The following PTPRN2 variants were observed in gnomAD, a reference collection of about 807,000 sequenced individuals.
The protein encoded by PTPRN2 is protein tyrosine phosphatase receptor type N2, also known as receptor-type tyrosine-protein phosphatase N2.
Under a neutral mutation model 118.8 loss-of-function variants are expected in PTPRN2, and 74 were observed. That is an observed-to-expected ratio of 0.62 (90% confidence interval 0.52 to 0.76). The LOEUF (loss-of-function observed/expected upper bound fraction) is 0.76, where lower values mean the gene tolerates loss of function less well. Among genes scored for constraint, PTPRN2 ranks in the 30% least tolerant of loss-of-function variants. The pLI is 0.00. For synonymous variants in PTPRN2, 641 were observed against 608.0 expected, an observed-to-expected ratio of 1.05 and a Z score of -0.80; for missense variants, 1,481 against 1,394.4, an observed-to-expected ratio of 1.06 and a Z score of -0.99.
At chr7:157,666,157 T>A (rs973878887) in intron 13 of PTPRN2, among the ~76,000 whole-genome samples, 6 of 151,638 alleles carry the variant, frequency 4.0e-5, no homozygotes, top group African/African-American at 1.5e-4. Flanking sequence ...AGAAAAAAAA[T>A]TCCAGGTACA....
intron 12 of PTPRN2, among the ~76,000 whole-genome samples, chr7:157,696,059 A>T (rs746291093): frequency 2.1e-4 from 12 of 58,074 alleles, no homozygotes; most frequent in Admixed American, 5.6e-4. Flanking sequence ...TGGGTCTTGG[A>T]AGAGCCCTCA....
At chr7:158,380,982 A>G (rs10252936) in intron 2 of PTPRN2, among the ~76,000 whole-genome samples, 134,500 of 152,106 alleles carry the variant, frequency 0.88, 60,825 homozygotes, top group Non-Finnish European at 0.97. Flanking sequence ...CAACTGGAGC[A>G]GCTGGGACGC....
chr7:157,771,071 A>G (rs1191855677), intron 12 of PTPRN2, among the ~76,000 whole-genome samples: 1 of 152,238 alleles, frequency 6.6e-6, no homozygotes, highest in Non-Finnish European at 1.5e-5. Context: ...GTTCTTGGGA[A>G]ACTCGCTGCC....
At chr7:158,222,288 G>A (rs532517910) in intron 3 of PTPRN2, among the ~76,000 whole-genome samples, 3 of 152,052 alleles carry the variant, frequency 2.0e-5, no homozygotes, top group East Asian at 3.9e-4. Flanking sequence ...CATTCATCAC[G>A]GTATTATTCA....
rs1264537960 is a variant in PTPRN2, at chr7:158,570,217, T to A, written c.112+17341A>T. ...CCACAGCCCGCGTTTCCGGGCTCCG[T>A]GTCCTTCTGGAGGCCGCTCCTTGGC... is the stretch of plus-strand genomic sequence containing the variant. On this transcript the variant is annotated intron_variant, in intron 1 of 22. Transcript: ENST00000389418. The surrounding 1 kb of genome is among the most constrained non-coding windows in gnomAD (Gnocchi z 4.5). Among the ~76,000 whole-genome samples the A allele has an allele frequency of 6.6e-6, 1 of 152,192 alleles. No individual in the cohort carries two copies. The highest frequency in any genetic ancestry group is 1.5e-5 in the Non-Finnish European group (1 of 68,022).
At chr7:158,267,730 T>G (rs1797978876) in intron 3 of PTPRN2, among the ~76,000 whole-genome samples, 1 of 152,120 alleles carries the variant, frequency 6.6e-6, no homozygotes, top group Admixed American at 6.5e-5. Flanking sequence ...TAGATTAAAC[T>G]CAGAAACATT....
intron 12 of PTPRN2, among the ~76,000 whole-genome samples, chr7:157,688,822 G>A (rs1003608485): frequency 6.6e-6 from 1 of 152,184 alleles, no homozygotes; most frequent in African/African-American, 2.4e-5. Flanking sequence ...CCCCTGCCTG[G>A]GCTTTCTCCC....
intron 12 of PTPRN2, among the ~76,000 whole-genome samples, chr7:157,883,985 C>T (rs1236141278): frequency 3.3e-5 from 5 of 152,144 alleles, no homozygotes; most frequent in African/African-American, 1.2e-4. Flanking sequence ...CAGAACACAT[C>T]ACCCCAAAAA....
At chr7:157,892,079 C>T (rs553088299) in intron 12 of PTPRN2, among the ~76,000 whole-genome samples, 7 of 152,152 alleles carry the variant, frequency 4.6e-5, no homozygotes, top group South Asian at 2.1e-4. Flanking sequence ...GAAGCTAGAA[C>T]GCTGGGCAGG....
chr7:158,442,392 G>A (rs1208827388), intron 2 of PTPRN2, among the ~76,000 whole-genome samples: 1 of 152,094 alleles, frequency 6.6e-6, no homozygotes, highest in Non-Finnish European at 1.5e-5. Flanking sequence ...CCTATTCATG[G>A]TTATCATCTG....
chr7:158,580,335 C>T (rs1270030591), intron 1 of PTPRN2, among the ~76,000 whole-genome samples: 1 of 152,226 alleles, frequency 6.6e-6, no homozygotes, highest in African/African-American at 2.4e-5. Context: ...ACATTTGGAA[C>T]CAGAATTCAC....
intron 13 of PTPRN2, among the ~76,000 whole-genome samples, chr7:157,662,460 G>A (rs78591257): frequency 0.035 from 5,341 of 152,298 alleles, 147 homozygotes; most frequent in Non-Finnish European, 0.054. Flanking sequence ...ACGAGTGACC[G>A]CAAGAAGCGA....
At chr7:157,561,117 T>G (rs562838991) in intron 21 of PTPRN2, among the ~76,000 whole-genome samples, 3 of 152,138 alleles carry the variant, frequency 2.0e-5, no homozygotes, top group African/African-American at 7.2e-5. Context: ...GGTTCTGCAC[T>G]GCCCAGCCAT....
intron 12 of PTPRN2, among the ~76,000 whole-genome samples, chr7:157,718,180 AGAT>A (rs1449180623): frequency 6.6e-6 from 1 of 152,284 alleles, no homozygotes; most frequent in African/African-American, 2.4e-5. Context: ...GATTTGGGAA[AGAT>A]GATAAGATCA....
At chr7:158,580,873 C>CAA (rs1192456655) in intron 1 of PTPRN2, among the ~76,000 whole-genome samples, 2 of 152,102 alleles carry the variant, frequency 1.3e-5, no homozygotes, top group Non-Finnish European at 2.9e-5. Flanking sequence ...ATGGGAAGGA[C>CAA]AAAAGTCTCC....
chr7:158,451,033 T>C (rs1818065090), intron 2 of PTPRN2, among the ~76,000 whole-genome samples: 1 of 152,224 alleles, frequency 6.6e-6, no homozygotes, highest in Non-Finnish European at 1.5e-5. Context: ...CTTCCGGTTT[T>C]TGCCCGTCTA....
rs541221496 is a variant in PTPRN2, at chr7:158,015,998, G to T, written c.1723+65300C>A. Among the ~76,000 whole-genome samples, 1 of 152,190 alleles carries T rather than the reference G, an allele frequency of 6.6e-6. No individual in the cohort carries two copies. The highest frequency in any genetic ancestry group is 2.4e-5 in the African/African-American group (1 of 41,444). ...TGTGTCACCTGCGTGGCCTTTTCAG[G>T]TTCTGGGGGCCTCGGTGGAAAACAC... On this transcript the variant is annotated intron_variant, in intron 11 of 22. Transcript: ENST00000389418. The surrounding 1 kb of genome is among the most constrained non-coding windows in gnomAD (Gnocchi z 4.2).
At chr7:158,348,838 T>C (rs1393847770) in intron 2 of PTPRN2, among the ~76,000 whole-genome samples, 5 of 152,054 alleles carry the variant, frequency 3.3e-5, no homozygotes, top group African/African-American at 7.2e-5. Flanking sequence ...TTACCCTCCC[T>C]CAGGAGGAGG....
intron 12 of PTPRN2, among the ~76,000 whole-genome samples, chr7:157,773,846 A>T (rs1803032693): frequency 6.6e-6 from 1 of 152,240 alleles, no homozygotes. Flanking sequence ...TCCAAGTTGA[A>T]GTCAGTTGGT....
Sources: gnomAD v4.1 joint callset for allele counts (sites outside exome capture counted in the v4.1 genomes callset) on GRCh38, gnomAD v4.1.1 for gene constraint, Gnocchi (gnomAD v3.1) non-coding constraint, MANE v1.5 for transcripts, NCBI Gene and HGNC (gene_info 2026-07-23, HGNC 2026-07-21) for gene names.